The following RBM39 variants were observed in gnomAD, a reference collection of about 807,000 sequenced individuals.
The protein encoded by RBM39 is RNA binding motif protein 39, also known as RNA-binding protein 39.
RBM39 carries 12 observed loss-of-function variants against 79.6 expected under a neutral mutation model. The ratio of observed to expected loss-of-function variants is 0.15; its 90% confidence interval spans 0.10 to 0.24. The LOEUF (loss-of-function observed/expected upper bound fraction) is 0.24, where lower values mean the gene tolerates loss of function less well. Ranked by LOEUF, RBM39 falls within the 10% of genes least tolerant of loss-of-function variation. The pLI is 1.00. For missense variants in RBM39, 243 were observed against 653.4 expected (o/e 0.37, Z 6.85); for synonymous variants, 185 against 208.4 (o/e 0.89, Z 0.97).
intron 12 of RBM39, among the ~76,000 whole-genome samples, chr20:35,709,902 G>A (rs545045204): frequency 6.6e-6 from 1 of 152,116 alleles, no homozygotes; most frequent in Admixed American, 6.5e-5. Flanking sequence ...ATTTAGCAAG[G>A]CAGAAATAAA....
intron 11 of RBM39, chr20:35,713,964 G>T (rs2036792968): frequency 3.9e-6 from 2 of 516,434 alleles, no homozygotes; most frequent in South Asian, 5.4e-5. Context: ...TAAAGGAAAA[G>T]AAATCTTGCA....
At chr20:35,740,633 G>C in intron 2 of RBM39, 191 bp downstream of exon 2, 1 of 1,412,220 alleles carries the variant, frequency 7.1e-7, no homozygotes, top group Non-Finnish European at 9.7e-7. Flanking sequence ...TATTCATCAC[G>C]CTGAAGTGAA....
chr20:35,721,932 A>G, intron 8 of RBM39, 55 bp from the exon 9 acceptor site: 1 of 1,553,148 alleles, frequency 6.4e-7, no homozygotes, highest in Non-Finnish European at 8.8e-7. Context: ...TTAAAGACAT[A>G]CACCTTCCAT....
intron 14 of RBM39, 93 bp downstream of exon 14, chr20:35,707,027 T>TAAAAAAAAAA: frequency 6.7e-6 from 1 of 150,110 alleles, no homozygotes. Context: ...AACTCCATCT[T>TAAAAAAAAAA]AAAAAAAAAA....
At chr20:35,740,040 G>A (rs1036576002) in intron 2 of RBM39, 1 of 157,934 alleles carries the variant, frequency 6.3e-6, no homozygotes, top group Non-Finnish European at 1.4e-5. Context: ...GACTATATTA[G>A]CCAATATAAT....
intron 10 of RBM39, among the ~76,000 whole-genome samples, chr20:35,715,521 T>C (rs1204736458): frequency 2.0e-5 from 3 of 152,160 alleles, no homozygotes; most frequent in Non-Finnish European, 2.9e-5. Flanking sequence ...TTGTGAGGTA[T>C]GTACATTAAA....
intron 3 of RBM39, chr20:35,736,552 T>C (rs1161774925): frequency 2.1e-6 from 1 of 470,650 alleles, no homozygotes; most frequent in Non-Finnish European, 4.4e-6. Flanking sequence ...ATACTTACTA[T>C]GAAGCATTTA....
intron 3 of RBM39, among the ~76,000 whole-genome samples, chr20:35,738,210 G>A (rs2040177140): frequency 6.6e-6 from 1 of 151,890 alleles, no homozygotes; most frequent in Non-Finnish European, 1.5e-5. Context: ...GGAGGTTGCA[G>A]TGAGCCCAGA....
chr20:35,734,385 A>T, intron 3 of RBM39: 1 of 356,418 alleles, frequency 2.8e-6, no homozygotes, highest in Admixed American at 3.6e-5. Flanking sequence ...GGCAATAGGT[A>T]ACACTCCAAT....
chr20:35,742,006 T>C lies in RBM39; in HGVS notation c.-79A>G, dbSNP rs527655478. On this transcript the variant is annotated 5_prime_UTR_variant, in exon 1 of 17. Coordinates refer to ENST00000253363, the MANE Select transcript of RBM39 (RefSeq NM_184234.3). ...AAGAGATTGCTGCTGCTGCTGCTGC[T>C]GCTGCCGCCGCCGCCGCTTCTGTTG... The C allele has an allele frequency of 3.1e-4, 74 of 240,088 alleles. 1 individual carries two copies. The highest frequency in any genetic ancestry group is 2.7e-3 in the South Asian group (68 of 24,854). The allele number at this position is 240,088 out of a possible 1,614,324, so 14.9% of individuals were successfully genotyped here.
At chr20:35,710,206 C>G (rs1438521363) in intron 12 of RBM39, 1 of 152,116 alleles carries the variant, frequency 6.6e-6, no homozygotes, top group Non-Finnish European at 1.5e-5. Context: ...CACTTTATTA[C>G]CACATATATG....
chr20:35,724,785 G>A, intron 7 of RBM39, 63 bp from the exon 8 acceptor site: 1 of 1,547,218 alleles, frequency 6.5e-7, no homozygotes, highest in Non-Finnish European at 8.9e-7. Context: ...ATTATTTCAA[G>A]AGACACTGTT....
At position 35,740,801 on chromosome 20, in the gene RBM39, C is replaced by A. The variant is rs767214901; in HGVS notation, c.51+23G>T. 6 of 1,598,224 alleles carry A rather than the reference C, an allele frequency of 3.8e-6. No individual in the cohort carries two copies. In the South Asian group the frequency reaches 5.6e-5, roughly 15 times the overall value. ...ATGCTAAATTAAGAAATATATAAAC[C>A]TCACCGACATGTTTTTTCTCACCTT... On this transcript the variant is annotated intron_variant, in intron 2 of 16. Coordinates refer to ENST00000253363, the MANE Select transcript of RBM39 (RefSeq NM_184234.3).
chr20:35,721,718 T>C, intron 9 of RBM39, 22 bp downstream of exon 9: 1 of 1,610,992 alleles, frequency 6.2e-7, no homozygotes, highest in Non-Finnish European at 8.5e-7. Flanking sequence ...TACTGAAGAT[T>C]CATTGAAGAA....
chr20:35,742,127 T>TG lies in RBM39; in HGVS notation c.-201dup. 1 of 164,668 alleles carries TG rather than the reference T, an allele frequency of 6.1e-6. No homozygotes were observed. The highest frequency in any genetic ancestry group is 1.1e-4 in the South Asian group (1 of 9,278). The allele number at this position is 164,668 out of a possible 1,614,324, so 10.2% of individuals were successfully genotyped here. On this transcript the variant is annotated 5_prime_UTR_variant, in exon 1 of 17. Coordinates refer to ENST00000253363, the MANE Select transcript of RBM39 (RefSeq NM_184234.3). ...GCCCGAGAGAATCTAAAAAAAACAA[T>TG]GGAATTAGAGAAGCCCACGCGGGAG...
intron 10 of RBM39, 22 bp downstream of exon 10, chr20:35,716,718 T>A: frequency 7.1e-7 from 1 of 1,411,442 alleles, no homozygotes; most frequent in Non-Finnish European, 9.8e-7. Flanking sequence ...CCCTAAGTAA[T>A]ATAATTATGG....
chr20:35,701,781 A>ATACT lies in RBM39; in HGVS notation c.*2699_*2700insAGTA, dbSNP rs2035295327. On this transcript the variant is annotated 3_prime_UTR_variant, in exon 17 of 17. Coordinates refer to ENST00000253363, the MANE Select transcript of RBM39 (RefSeq NM_184234.3). ...AACAAAAAAAATTTGTATTCTTAGTAGAGACGGGGTTTCACTGTGTTGGCC... is the reference window on the plus strand; with the variant it reads ...AACAAAAAAAATTTGTATTCTTAGTATACTGAGACGGGGTTTCACTGTGTTGGCC... 6.6e-6 allele frequency: 1 copy of ATACT among 152,090 alleles called. No individual in the cohort carries two copies. The highest frequency in any genetic ancestry group is 2.4e-5 in the African/African-American group (1 of 41,414). 9.4% of individuals were successfully genotyped at this position (152,090 alleles called of 1,614,324 possible).
rs1280467817 is a variant in RBM39, at chr20:35,734,771, A to G, written c.102-2636T>C. ...ATTCAGAAAATACAATCTTTTGCATAAAAGCCCAGAGAAAACTACAAGGGT... is the reference window on the plus strand; with the variant it reads ...ATTCAGAAAATACAATCTTTTGCATGAAAGCCCAGAGAAAACTACAAGGGT... On this transcript the variant is annotated intron_variant, in intron 3 of 16. Coordinates refer to ENST00000253363, the MANE Select transcript of RBM39 (RefSeq NM_184234.3). 8 of 1,298,372 alleles carry G rather than the reference A, an allele frequency of 6.2e-6. No individual in the cohort carries two copies. In the South Asian group the frequency reaches 9.1e-5, roughly 15 times the overall value. 80.4% of individuals were successfully genotyped at this position (1,298,372 alleles called of 1,614,324 possible).
chr20:35,740,455 G>A (rs759245400), intron 2 of RBM39: 13 of 933,210 alleles, frequency 1.4e-5, no homozygotes, highest in Non-Finnish European at 1.8e-5. Context: ...CCAAACTGGA[G>A]GTGGTAATTC....
Sources: allele counts gnomAD v4.1 joint callset (sites outside exome capture counted in the v4.1 genomes callset), GRCh38; gene constraint gnomAD v4.1.1; transcripts MANE v1.5; gene names NCBI Gene and HGNC (gene_info 2026-07-23, HGNC 2026-07-21).